The following LPL variants were observed in gnomAD, a reference collection of about 807,000 sequenced individuals.
The protein encoded by LPL is phospholipase A1.
A neutral mutation model predicts 52.2 loss-of-function variants in LPL; 43 were observed. That is an observed-to-expected ratio of 0.82 (90% CI 0.64 to 1.06). The LOEUF (loss-of-function observed/expected upper bound fraction) is 1.06, where lower values mean the gene tolerates loss of function less well. LPL is among the 50% of genes least tolerant of loss of function. The pLI, the probability that LPL is intolerant of heterozygous loss-of-function variation, is 0.00. For missense variants in LPL, 639 were observed against 585.3 expected, an observed-to-expected ratio of 1.09 and a Z score of -0.95; for synonymous variants, 244 against 215.6, an observed-to-expected ratio of 1.13 and a Z score of -1.15.
At chr8:19,956,497 G>T (rs1370839735) in intron 6 of LPL, among the ~76,000 whole-genome samples, 2 of 152,114 alleles carry the variant, frequency 1.3e-5, no homozygotes, top group Non-Finnish European at 2.9e-5. Flanking sequence ...ACGTATGTAG[G>T]TTTGCTAAAA....
In LPL at chr8:19,948,447, T is replaced by C. The variant is rs377345246; in HGVS notation, c.249+107T>C. On this transcript the variant is annotated intron_variant, in intron 2 of 9. Coordinates refer to ENST00000650287, the MANE Select transcript of LPL (RefSeq NM_000237.3). ...ATGGGTCCGCACCCCACATCTCACG[T>C]GGATCTCCTTACACTTGAATAAAGA... is the stretch of plus-strand genomic sequence containing the variant. 4 of 1,280,404 alleles carry C rather than the reference T, an allele frequency of 3.1e-6. No individual in the cohort carries two copies. In the African/African-American group the frequency reaches 6.0e-5, roughly 19 times the overall value. The allele number at this position is 1,280,404 out of a possible 1,614,324, so 79.3% of individuals were successfully genotyped here. A position where few individuals can be genotyped will look rare whatever the true frequency, so the allele number is the denominator to read the frequency against.
chr8:19,945,474 T>C (rs1387746716), intron 1 of LPL, among the ~76,000 whole-genome samples: 1 of 152,246 alleles, frequency 6.6e-6, no homozygotes, highest in Non-Finnish European at 1.5e-5. Context: ...AAAATCATTT[T>C]CTTTAAAAGT....
In LPL at chr8:19,951,853, G is replaced by A. The variant is rs2069937173; in HGVS notation, c.334G>A (p.Asp112Asn). 2 of 1,614,160 alleles carry A rather than the reference G, an allele frequency of 1.2e-6. No homozygotes were observed. Among genetic ancestry groups the A allele is most frequent in the South Asian group, 2.2e-5 (2 of 91,082 alleles). The change falls in exon 3 of 10, where the codon GAC becomes AAC. Residue 112 changes from aspartate to asparagine, a missense_variant. Physicochemically the swap from Asp to Asn is conservative, Grantham distance 23 (BLOSUM62 1). Transcript: ENST00000650287. The stretch of plus-strand genomic sequence containing the variant: ...ACCAGACTCCAATGTCATTGTGGTG[G>A]ACTGGCTGTCACGGGCTCAGGAGCA... ...REPDSNVIVVDWLSRAQEHYP... is the reference protein window; with the variant it reads ...REPDSNVIVVNWLSRAQEHYP...
chr8:19,951,639 A>G (rs2069934800), intron 2 of LPL, 130 bp from the exon 3 acceptor site: 1 of 1,003,960 alleles, frequency 1.0e-6, no homozygotes, highest in Non-Finnish European at 1.6e-6. Context: ...CTGTTATTTG[A>G]TTTTTCTATC....
Position 19,960,885 on chromosome 8 carries a change from T to C in LPL, c.1140-16T>C. ...TGATCTCTATAACTAACCAAATTTA[T>C]TGCTTTTTTGTTTAGGCCTGAAGTT... On this transcript the variant is annotated splice_polypyrimidine_tract_variant and intron_variant, in intron 7 of 9. Coordinates refer to ENST00000650287, the MANE Select transcript of LPL (RefSeq NM_000237.3). The C allele has an allele frequency of 5.0e-6, 8 of 1,609,082 alleles. No homozygotes were observed. The highest frequency in any genetic ancestry group is 6.8e-6 in the Non-Finnish European group (8 of 1,176,198).
At chr8:19,955,473 C>T (rs2069975615) in intron 5 of LPL, among the ~76,000 whole-genome samples, 1 of 152,004 alleles carries the variant, frequency 6.6e-6, no homozygotes. Flanking sequence ...AGGCAAGGGG[C>T]AGGTATATGT....
chr8:19,961,599 A>G (rs2070039787), intron 8 of LPL, among the ~76,000 whole-genome samples: 1 of 152,150 alleles, frequency 6.6e-6, no homozygotes, highest in African/African-American at 2.4e-5. Flanking sequence ...TTTGCAAACT[A>G]TAGTGTGCTG....
chr8:19,954,373 G>C lies in LPL; in HGVS notation c.775+20G>C. 6.2e-7 allele frequency: 1 copy of C among 1,600,004 alleles called. No individual in the cohort carries two copies. Among genetic ancestry groups the C allele is most frequent in the Non-Finnish European group, 8.6e-7 (1 of 1,167,206 alleles). On this transcript the variant is annotated intron_variant, in intron 5 of 9. Transcript: ENST00000650287. Reference sequence around the variant, plus strand: ...TTGGAGGTAAATATTATTTAGAAGCGAATTAAATGTGACTCTTATCCTTAA... The same window carrying C: ...TTGGAGGTAAATATTATTTAGAAGCCAATTAAATGTGACTCTTATCCTTAA...
chr8:19,957,492 G>A (rs1017621204), intron 6 of LPL, among the ~76,000 whole-genome samples: 2 of 152,170 alleles, frequency 1.3e-5, no homozygotes, highest in East Asian at 1.9e-4. Context: ...AGAGAGGACT[G>A]TGGGACCATA....
At chr8:19,959,189 T>C in intron 6 of LPL, 71 bp from the exon 7 acceptor site, 2 of 1,599,800 alleles carry the variant, frequency 1.3e-6, no homozygotes, top group Non-Finnish European at 1.7e-6. Context: ...TGGTTCTGAA[T>C]TGCCTGACTA....
chr8:19,939,566 C>A lies in LPL; in HGVS notation c.88+38C>A, dbSNP rs772643102. 8.9e-6 allele frequency: 14 copies of A among 1,575,438 alleles called. No individual in the cohort carries two copies. The Admixed American group carries it at 2.2e-4, about 25-fold the overall frequency. ...CGCAAACTCCCCTCCACCTGCAGAC[C>A]CGGCGGGTGGCCACTGCCACCCGAA... On this transcript the variant is annotated intron_variant, in intron 1 of 9. Coordinates refer to ENST00000650287, the MANE Select transcript of LPL (RefSeq NM_000237.3). This position sits in a 1 kb window ranked among gnomAD's most constrained non-coding sequence, Gnocchi z 4.0.
At position 19,948,865 on chromosome 8, in the gene LPL, T is replaced by C. The variant is rs1210150532; in HGVS notation, c.249+525T>C. On this transcript the variant is annotated intron_variant, in intron 2 of 9. Transcript: ENST00000650287. ...CTGATCTGTAAAGCAGAGGTTGCAC[T>C]AGATGTCCCTAAAAACACTCTACTT... Among the ~76,000 whole-genome samples, 4 of 151,954 alleles carry C rather than the reference T, an allele frequency of 2.6e-5. No homozygotes were observed. The East Asian group carries it at 7.8e-4, about 29-fold the overall frequency.
At chr8:19,964,015 C>G (rs1028114857) in intron 9 of LPL, among the ~76,000 whole-genome samples, 1 of 151,726 alleles carries the variant, frequency 6.6e-6, no homozygotes, top group Admixed American at 6.6e-5. Flanking sequence ...TGTAGTGGCT[C>G]GATCTCAGCT....
chr8:19,964,122 T>C (rs530634173), intron 9 of LPL, among the ~76,000 whole-genome samples: 97 of 152,208 alleles, frequency 6.4e-4, no homozygotes, highest in African/African-American at 2.2e-3. Context: ...CTGGCTAATT[T>C]CGTATTTTTA....
chr8:19,956,948 G>A (rs931094421), intron 6 of LPL, among the ~76,000 whole-genome samples: 7 of 151,974 alleles, frequency 4.6e-5, no homozygotes, highest in African/African-American at 1.5e-4. Flanking sequence ...CTCAGCCTCC[G>A]GAGTAGCTGG....
intron 1 of LPL, among the ~76,000 whole-genome samples, chr8:19,941,700 C>T (rs2069841658): frequency 6.6e-6 from 1 of 152,216 alleles, no homozygotes; most frequent in Non-Finnish European, 1.5e-5. Context: ...CAGCAACTTT[C>T]TCCCTCTTTC....
Position 19,964,203 on chromosome 8 carries a change from C to T in LPL, c.*-1107C>T, listed in dbSNP as rs528437390. On this transcript the variant is annotated intron_variant, in intron 9 of 9. Transcript: ENST00000650287. ...CTAACCTCAGGTTATCCACCTGCCT[C>T]GGCCTCCCAAAGTGCTGGGATTATA... Among the ~76,000 whole-genome samples the T allele has an allele frequency of 4.7e-4, 72 of 152,226 alleles. 1 individual carries two copies. The highest frequency in any genetic ancestry group is 8.7e-4 in the Non-Finnish European group (59 of 68,012).
rs1366949902 is a variant in LPL, at chr8:19,966,121, C to T, written c.*811C>T. The T allele has an allele frequency of 6.7e-6, 1 of 148,470 alleles. No homozygotes were observed. The highest frequency in any genetic ancestry group is 6.7e-5 in the Admixed American group (1 of 14,950). 9.2% of individuals were successfully genotyped at this position (148,470 alleles called of 1,614,324 possible). A position where few individuals can be genotyped will look rare whatever the true frequency, so the allele number is the denominator to read the frequency against. On this transcript the variant is annotated 3_prime_UTR_variant, in exon 10 of 10. Coordinates refer to ENST00000650287, the MANE Select transcript of LPL (RefSeq NM_000237.3). Reference sequence around the variant, plus strand: ...CAGCTGACACATAATTTGAATGGTGCAGAAAAAAAAAAAGAAACCGTAATT... The same window carrying T: ...CAGCTGACACATAATTTGAATGGTGTAGAAAAAAAAAAAGAAACCGTAATT...
In LPL at chr8:19,951,178, A is replaced by T. The variant is rs547535269; in HGVS notation, c.250-591A>T. 2.6e-5 allele frequency among the ~76,000 whole-genome samples: 4 copies of T among 152,340 alleles called. No homozygotes were observed. The South Asian group carries it at 8.3e-4, about 32-fold the overall frequency. ...CCCAGCAGGTTGCTTAGACACAGCT[A>T]TCTTGGAGCTTTGCCACTTGCTTGG... On this transcript the variant is annotated intron_variant, in intron 2 of 9. Transcript: ENST00000650287.
Sources: allele counts gnomAD v4.1 joint callset (sites outside exome capture counted in the v4.1 genomes callset), GRCh38; gene constraint gnomAD v4.1.1; non-coding constraint Gnocchi (gnomAD v3.1); transcripts MANE v1.5; gene names NCBI Gene and HGNC (gene_info 2026-07-23, HGNC 2026-07-21).